OTUD7B: variants seen among roughly 807,000 people sequenced by gnomAD.
OTUD7B encodes OTU deubiquitinase 7B.
Under a neutral mutation model 82.2 loss-of-function variants are expected in OTUD7B, and 34 were observed. That is an observed-to-expected ratio of 0.41 (90% CI 0.31 to 0.55). The LOEUF (loss-of-function observed/expected upper bound fraction) is 0.55, where lower values mean the gene tolerates loss of function less well. Among genes scored for constraint, OTUD7B ranks in the 20% least tolerant of loss-of-function variants. OTUD7B has a pLI of 0.20. For synonymous variants in OTUD7B, 398 were observed against 402.7 expected, an observed-to-expected ratio of 0.99 and a Z score of 0.14; for missense variants, 944 against 1,062.1, an observed-to-expected ratio of 0.89 and a Z score of 1.55.
chr1:149,944,023 G>T lies in OTUD7B; in HGVS notation c.2366C>A (p.Ala789Asp). The T allele has an allele frequency of 6.2e-7, 1 of 1,614,218 alleles. No homozygotes were observed. The highest frequency in any genetic ancestry group is 8.5e-7 in the Non-Finnish European group (1 of 1,180,034). The change falls in exon 12 of 12, where the codon GCT becomes GAT. Residue 789 changes from alanine (A) to aspartate (D), a missense_variant. Coordinates refer to ENST00000581312, the MANE Select transcript of OTUD7B (RefSeq NM_020205.4). ...YREPPEPDGW[A>D]GGLRGLPPTQ... The stretch of plus-strand genomic sequence containing the variant: ...TGGGGGAAGGCCCCGGAGACCTCCA[G>T]CCCATCCATCTGGCTCAGGGGGCTC...
At chr1:150,054,647 A>C in the OTUD7B span, 113 of 337,668 alleles carry the variant, frequency 3.3e-4, no homozygotes, top group Non-Finnish European at 4.5e-4. Context: ...GTCTCTACTA[A>C]AAATACAAAA....
intron 1 of OTUD7B, among the ~76,000 whole-genome samples, chr1:149,997,653 T>C (rs1652004449): frequency 6.6e-6 from 1 of 152,298 alleles, no homozygotes; most frequent in Admixed American, 6.5e-5. Context: ...TCTCAGAAGA[T>C]AGCTCTAAGA....
intron 2 of OTUD7B, among the ~76,000 whole-genome samples, chr1:149,975,976 G>A (rs989056587): frequency 3.3e-5 from 5 of 151,450 alleles, no homozygotes; most frequent in South Asian, 2.1e-4. Context: ...AGCCAACATC[G>A]CGCCACTGCA....
the OTUD7B span, among the ~76,000 whole-genome samples, chr1:150,060,344 C>G: frequency 6.6e-6 from 1 of 151,980 alleles, no homozygotes; most frequent in Non-Finnish European, 1.5e-5. Context: ...AGGGTGGGCC[C>G]TAATATGATT....
chr1:149,956,609 T>C (rs1318046880), intron 7 of OTUD7B, among the ~76,000 whole-genome samples: 2 of 152,184 alleles, frequency 1.3e-5, no homozygotes, highest in East Asian at 3.9e-4. Context: ...AGTTCTCCTG[T>C]ATAATATCCC....
the OTUD7B span, among the ~76,000 whole-genome samples, chr1:150,062,778 G>A: frequency 5.1e-5 from 7 of 137,576 alleles, no homozygotes; most frequent in Non-Finnish European, 3.0e-5. Flanking sequence ...AATGGCGCGC[G>A]ATCTCGGCTC....
the OTUD7B span, among the ~76,000 whole-genome samples, chr1:150,053,414 G>A: frequency 2.5e-5 from 3 of 121,252 alleles, no homozygotes; most frequent in African/African-American, 9.5e-5. Context: ...TTTTTTTTTT[G>A]AGACTGAGTT....
At chr1:149,992,560 C>T (rs951021668) in intron 1 of OTUD7B, among the ~76,000 whole-genome samples, 4 of 137,004 alleles carry the variant, frequency 2.9e-5, no homozygotes, top group Admixed American at 8.3e-5. Flanking sequence ...ACTGCAAGCT[C>T]GGCCTCCCGG....
intron 7 of OTUD7B, 100 bp from the exon 8 acceptor site, chr1:149,950,321 G>T (rs1485511857): frequency 2.5e-6 from 3 of 1,192,812 alleles, no homozygotes; most frequent in Non-Finnish European, 3.5e-6. Flanking sequence ...GGGAAAAGAA[G>T]AATGTCCTTT....
chr1:150,014,084 G>GTGTGTATATATATATA (rs1336267152), upstream of OTUD7B, among the ~76,000 whole-genome samples: 5 of 30,398 alleles, frequency 1.6e-4, no homozygotes, highest in African/African-American at 4.2e-4. Context: ...GTGTGTGTGT[G>GTGTGTATATATATATA]TATATATATA....
At chr1:149,989,332 G>A (rs1400642707) in intron 1 of OTUD7B, among the ~76,000 whole-genome samples, 2 of 151,940 alleles carry the variant, frequency 1.3e-5, no homozygotes, top group Non-Finnish European at 2.9e-5. Context: ...AATTAGCCAG[G>A]CGTGGTGGTG....
At chr1:149,986,239 AC>A in intron 1 of OTUD7B, among the ~76,000 whole-genome samples, 1 of 115,442 alleles carries the variant, frequency 8.7e-6, no homozygotes, top group Non-Finnish European at 2.0e-5. Context: ...GTACCCCATC[AC>A]ACACACACAC....
At chr1:149,976,218 T>C (rs888006390) in intron 2 of OTUD7B, among the ~76,000 whole-genome samples, 2 of 152,094 alleles carry the variant, frequency 1.3e-5, no homozygotes, top group African/African-American at 2.4e-5. Context: ...CCCTTCCCCA[T>C]AGGCCTGCCT....
the OTUD7B span, among the ~76,000 whole-genome samples, chr1:150,036,466 G>A: frequency 6.6e-6 from 1 of 151,152 alleles, no homozygotes; most frequent in Non-Finnish European, 1.5e-5. Context: ...TGTCATGTTG[G>A]CCAGGCTGGT....
chr1:150,002,975 G>T (rs1390906324), intron 1 of OTUD7B, among the ~76,000 whole-genome samples: 2 of 152,204 alleles, frequency 1.3e-5, no homozygotes, highest in African/African-American at 4.8e-5. Context: ...TCCAGGCCGG[G>T]CGTGGTGGCT....
At chr1:150,027,770 ATTTCT>A in the OTUD7B span, among the ~76,000 whole-genome samples, 1 of 151,962 alleles carries the variant, frequency 6.6e-6, no homozygotes, top group African/African-American at 2.4e-5. Context: ...AATTGGAAAT[ATTTCT>A]TTTCTTTATT....
chr1:150,022,054 G>C, the OTUD7B span, among the ~76,000 whole-genome samples: 3 of 151,976 alleles, frequency 2.0e-5, no homozygotes, highest in South Asian at 6.2e-4. Flanking sequence ...GGAAGTAATG[G>C]GTCAAGTCAA....
intron 1 of OTUD7B, among the ~76,000 whole-genome samples, chr1:149,992,374 A>G (rs1651628320): frequency 6.6e-6 from 1 of 152,018 alleles, no homozygotes; most frequent in Non-Finnish European, 1.5e-5. Flanking sequence ...GTGTGACATC[A>G]GGATAATTTT....
At chr1:150,044,896 T>C in the OTUD7B span, among the ~76,000 whole-genome samples, 1 of 4,722 alleles carries the variant, frequency 2.1e-4, no homozygotes, top group Non-Finnish European at 3.8e-4. Context: ...TGCCTTTAAA[T>C]TGGCAGGGGA....
Sources: allele counts gnomAD v4.1 joint callset (sites outside exome capture counted in the v4.1 genomes callset), GRCh38; gene constraint gnomAD v4.1.1; transcripts MANE v1.5; gene names NCBI Gene and HGNC (gene_info 2026-07-23, HGNC 2026-07-21).